The following ANK3 variants were observed in gnomAD, a reference collection of about 807,000 sequenced individuals.
The protein encoded by ANK3 is ankyrin 3.
In ANK3, 57 loss-of-function variants were observed where a neutral mutation model predicts 370.9. The observed-to-expected ratio is 0.15, with a 90% CI of 0.12 to 0.19. The LOEUF is 0.19. ANK3 is among the 10% of genes least tolerant of loss of function. The pLI is 1.00. For missense variants in ANK3, 4,439 were observed against 5,302.1 expected (o/e 0.84, Z 5.06); for synonymous variants, 1,929 against 1,946.3 (o/e 0.99, Z 0.23).
At chr10:60,706,420 G>C (rs1177715617) in intron 1 of ANK3, among the ~76,000 whole-genome samples, 1 of 151,896 alleles carries the variant, frequency 6.6e-6, no homozygotes. Flanking sequence ...CCTCTGACCA[G>C]AGATATTACA....
chr10:60,069,717 T>C lies in ANK3; in HGVS notation c.11164A>G (p.Ile3722Val), dbSNP rs760761642. Residue 3722 changes from isoleucine (I) to valine (V), a missense_variant, in exon 37 of 44, where the codon ATA becomes GTA. Physicochemically the swap from Ile to Val is conservative, Grantham distance 29. Transcript: ENST00000280772. ...GTGGATGCAGAAATTCCCATTTTTA[T>C]AGGCGTGCGCAACTTGGGGTCAACT... is the stretch of plus-strand genomic sequence containing the variant. The part of the protein sequence containing the change: ...SKVDPKLRTP[I>V]KMGISASTMT... 3 of 1,613,642 alleles carry C rather than the reference T, an allele frequency of 1.9e-6. No individual in the cohort carries two copies. In the Admixed American group the frequency reaches 5.0e-5, roughly 27 times the overall value.
intron 2 of ANK3, among the ~76,000 whole-genome samples, chr10:60,417,164 G>T (rs1360127312): frequency 6.6e-6 from 1 of 152,194 alleles, no homozygotes; most frequent in Non-Finnish European, 1.5e-5. Flanking sequence ...GAAAAAGTTT[G>T]AGATTAAGCA....
intron 2 of ANK3, among the ~76,000 whole-genome samples, chr10:60,435,043 C>T (rs917266004): frequency 1.5e-4 from 23 of 152,192 alleles, no homozygotes; most frequent in African/African-American, 5.3e-4. Context: ...TATCTGAATA[C>T]TACACCTTTT....
chr10:60,083,445 G>A, intron 33 of ANK3, 47 bp downstream of exon 33: 4 of 1,565,176 alleles, frequency 2.6e-6, no homozygotes, highest in Non-Finnish European at 3.5e-6. Flanking sequence ...TTCTCTAAGA[G>A]TATTTTTTCC....
chr10:60,097,317 T>G (rs188930020), intron 28 of ANK3, among the ~76,000 whole-genome samples: 125 of 152,028 alleles, frequency 8.2e-4, no homozygotes, highest in Middle Eastern at 6.8e-3. Flanking sequence ...CTCACACGAG[T>G]GGTGGTTGAT....
At chr10:60,266,458 GA>G (rs1335664781) in intron 5 of ANK3, among the ~76,000 whole-genome samples, 6 of 152,084 alleles carry the variant, frequency 3.9e-5, no homozygotes, top group Non-Finnish European at 8.8e-5. Flanking sequence ...ATTGTGTTTT[GA>G]GATTTAATTT....
At chr10:60,436,574 C>T (rs993347166) in intron 2 of ANK3, among the ~76,000 whole-genome samples, 64 of 152,280 alleles carry the variant, frequency 4.2e-4, no homozygotes, top group African/African-American at 1.5e-3. Flanking sequence ...GAGAATCTTT[C>T]ATGTCGTTGT....
At chr10:60,115,589 T>C (rs550939691) in intron 25 of ANK3, among the ~76,000 whole-genome samples, 3 of 152,086 alleles carry the variant, frequency 2.0e-5, no homozygotes, top group South Asian at 4.2e-4. Flanking sequence ...CAGGGAAAGA[T>C]AGAGAAAATA....
intron 2 of ANK3, among the ~76,000 whole-genome samples, chr10:60,405,625 A>G (rs183006239): frequency 1.5e-3 from 234 of 152,278 alleles, no homozygotes; most frequent in Non-Finnish European, 2.6e-3. Context: ...AGTTTTGTGC[A>G]TTCCATTGTA....
rs146205433 is a variant in ANK3, at chr10:60,071,757, C to T, written c.9124G>A (p.Glu3042Lys). 3.1e-5 allele frequency: 50 copies of T among 1,597,518 alleles called. No homozygotes were observed. Among genetic ancestry groups the T allele is most frequent in the African/African-American group, 3.0e-4 (22 of 73,924 alleles). ...TCAGGAGATTTGGTGGGGGAGGTTT[C>T]GGTTTCCTCGAGAGGTGGGCATAAA... The part of the protein sequence containing the change: ...VGLCPPLEET[E>K]TSPTKSPDSL... The change falls in exon 37 of 44, where the codon GAA (glutamate) becomes AAA (lysine). Residue 3042 changes from glutamate to lysine, a missense_variant. Physicochemically the swap from Glu to Lys is moderately conservative, Grantham distance 56 (BLOSUM62 1). This residue lies in a region of ANK3 where 1,601 missense variants were observed against 1,731.7 expected (regional missense o/e 0.92). Coordinates refer to ENST00000280772, the MANE Select transcript of ANK3 (RefSeq NM_020987.5).
At chr10:60,044,883 A>C (rs2076690294) in intron 42 of ANK3, 1 of 152,244 alleles carries the variant, frequency 6.6e-6, no homozygotes, top group South Asian at 2.1e-4. Flanking sequence ...AGTTGAGGGT[A>C]CAGAGAGAAT....
At chr10:60,618,012 T>C (rs1375186565) in intron 1 of ANK3, among the ~76,000 whole-genome samples, 8 of 152,204 alleles carry the variant, frequency 5.3e-5, no homozygotes, top group Non-Finnish European at 1.2e-4. Context: ...AGGTAGTCTT[T>C]ATAACATTGT....
At chr10:60,381,159 C>T (rs1299495017) in intron 1 of ANK3, among the ~76,000 whole-genome samples, 1 of 152,140 alleles carries the variant, frequency 6.6e-6, no homozygotes. Context: ...GTTCCTTCTA[C>T]ATAATCACAA....
chr10:60,650,548 A>G (rs1464664994), intron 1 of ANK3, among the ~76,000 whole-genome samples: 2 of 152,174 alleles, frequency 1.3e-5, no homozygotes, highest in Non-Finnish European at 2.9e-5. Flanking sequence ...ATTGGCATGC[A>G]TAGTTCTAAT....
chr10:60,636,469 T>C (rs566868595), intron 1 of ANK3, among the ~76,000 whole-genome samples: 55 of 152,350 alleles, frequency 3.6e-4, no homozygotes, highest in African/African-American at 1.3e-3. Context: ...ACTTTGCATC[T>C]GGTTTTTCAG....
At chr10:60,431,253 T>C (rs1027768055) in intron 2 of ANK3, among the ~76,000 whole-genome samples, 2 of 152,164 alleles carry the variant, frequency 1.3e-5, no homozygotes, top group African/African-American at 4.8e-5. Context: ...ATAAGGAGCA[T>C]ACAGCCTAGA....
At position 60,388,742 on chromosome 10, in the gene ANK3, G is replaced by C. The variant is rs910049110; in HGVS notation, c.114+683C>G. Among the ~76,000 whole-genome samples the C allele has an allele frequency of 1.3e-5, 2 of 152,160 alleles. 1 individual carries two copies. Among genetic ancestry groups the C allele is most frequent in the Non-Finnish European group, 2.9e-5 (2 of 68,032 alleles). ...AAGCAATCAGTGTTGAAGGTTGCAG[G>C]TTACTGGAATTCCTGCGTTCAGGAT... On this transcript the variant is annotated intron_variant, in intron 1 of 43. Transcript: ENST00000280772.
chr10:60,484,284 A>G (rs1433781540), intron 2 of ANK3, among the ~76,000 whole-genome samples: 1 of 152,212 alleles, frequency 6.6e-6, no homozygotes, highest in Non-Finnish European at 1.5e-5. Context: ...ATGAGAGTAA[A>G]GCTTTATCAA....
At chr10:60,277,677 G>C (rs1348994638) in intron 4 of ANK3, among the ~76,000 whole-genome samples, 1 of 150,542 alleles carries the variant, frequency 6.6e-6, no homozygotes, top group African/African-American at 2.5e-5. Context: ...GCCTAATACT[G>C]CCAGAGTGTG....
Sources: allele counts gnomAD v4.1 joint callset (sites outside exome capture counted in the v4.1 genomes callset), GRCh38; gene constraint gnomAD v4.1.1; regional missense constraint gnomAD v4.1.1; transcripts MANE v1.5; gene names NCBI Gene and HGNC (gene_info 2026-07-23, HGNC 2026-07-21).